RIPOR2: variants seen among roughly 807,000 people sequenced by gnomAD.
RIPOR2 encodes the protein RHO family interacting cell polarization regulator 2.
In RIPOR2, 39 loss-of-function variants were observed where a neutral mutation model predicts 114.5. The ratio of observed to expected loss-of-function variants is 0.34; its 90% CI spans 0.26 to 0.44. The LOEUF (loss-of-function observed/expected upper bound fraction) is 0.44. RIPOR2 is among the 20% of genes least tolerant of loss of function. RIPOR2 has a pLI of 1.00. For missense variants in RIPOR2, 1,007 were observed against 1,255.1 expected, an observed-to-expected ratio of 0.80 and a Z score of 2.99; for synonymous variants, 445 against 484.4, an observed-to-expected ratio of 0.92 and a Z score of 1.07.
At chr6:24,991,913 T>C (rs1025459830) in intron 1 of RIPOR2, among the ~76,000 whole-genome samples, 3 of 152,186 alleles carry the variant, frequency 2.0e-5, no homozygotes, top group African/African-American at 4.8e-5. Flanking sequence ...CCTCTTCTTG[T>C]ACCTGATTTC....
chr6:24,904,470 G>T (rs1768771261), intron 1 of RIPOR2, among the ~76,000 whole-genome samples: 1 of 152,170 alleles, frequency 6.6e-6, no homozygotes, highest in African/African-American at 2.4e-5. Context: ...AATAGAATTA[G>T]ATTGGGCCCA....
chr6:25,036,196 T>C (rs892682440), intron 1 of RIPOR2, among the ~76,000 whole-genome samples: 1 of 152,180 alleles, frequency 6.6e-6, no homozygotes, highest in African/African-American at 2.4e-5. Context: ...ACATTGACAC[T>C]GGGAGGAAGT....
chr6:25,014,373 C>T (rs775592490), intron 1 of RIPOR2, among the ~76,000 whole-genome samples: 2 of 152,168 alleles, frequency 1.3e-5, no homozygotes, highest in Admixed American at 6.5e-5. Flanking sequence ...CTCAATAGCT[C>T]TCACTTTTTG....
intron 1 of RIPOR2, among the ~76,000 whole-genome samples, chr6:25,018,513 G>C (rs1256247909): frequency 6.6e-6 from 1 of 151,890 alleles, no homozygotes; most frequent in Non-Finnish European, 1.5e-5. Context: ...TTAACCAATT[G>C]TTTGATTATA....
At chr6:24,895,259 CA>C (rs1461210540) in intron 1 of RIPOR2, among the ~76,000 whole-genome samples, 5 of 152,112 alleles carry the variant, frequency 3.3e-5, no homozygotes, top group African/African-American at 1.2e-4. Context: ...CTATGTTGGT[CA>C]GGCTGGTCTC....
chr6:24,843,095 T>C lies in RIPOR2; in HGVS notation c.1624A>G (p.Ile542Val). The change falls in exon 13 of 22, where the codon ATC becomes GTC. Residue 542 changes from isoleucine (I) to valine (V), a missense_variant. Ile to Val is a conservative substitution (Grantham distance 29). Coordinates refer to ENST00000643898, the MANE Select transcript of RIPOR2 (RefSeq NM_001286445.3). ...PVELDTSEGN[I>V]TKQLVKRLTS... Reference sequence around the variant, plus strand: ...AGCCTCTTGACCAGCTGCTTTGTGATGTTTCCTTCCGAAGTGTCCAGTTCC... The same window carrying C: ...AGCCTCTTGACCAGCTGCTTTGTGACGTTTCCTTCCGAAGTGTCCAGTTCC... 2 of 1,614,002 alleles carry C rather than the reference T, an allele frequency of 1.2e-6. No homozygotes were observed. The highest frequency in any genetic ancestry group is 1.7e-6 in the Non-Finnish European group (2 of 1,179,878).
At chr6:24,925,494 G>A (rs1770800182) in intron 1 of RIPOR2, among the ~76,000 whole-genome samples, 2 of 152,166 alleles carry the variant, frequency 1.3e-5, no homozygotes, top group South Asian at 2.1e-4. Flanking sequence ...AGGAGGTCAA[G>A]AGATCGAGAT....
intron 10 of RIPOR2, 79 bp from the exon 11 acceptor site, chr6:24,850,029 T>C (rs1323506542): frequency 7.6e-6 from 9 of 1,192,038 alleles, no homozygotes; most frequent in Non-Finnish European, 1.1e-5. Flanking sequence ...TTTTTTTTAC[T>C]GAGCTAGGTT....
chr6:25,019,091 G>A (rs971259769), intron 1 of RIPOR2, among the ~76,000 whole-genome samples: 1 of 152,166 alleles, frequency 6.6e-6, no homozygotes, highest in Non-Finnish European at 1.5e-5. Context: ...ACAAAATAGT[G>A]TCCGGCAACC....
chr6:25,029,859 C>T (rs564719504), intron 1 of RIPOR2, among the ~76,000 whole-genome samples: 57 of 152,216 alleles, frequency 3.7e-4, no homozygotes, highest in Admixed American at 1.2e-3. Flanking sequence ...AAACTATATG[C>T]TTTTCTTAAG....
chr6:24,911,773 C>T (rs930374536), intron 1 of RIPOR2, among the ~76,000 whole-genome samples: 13 of 152,244 alleles, frequency 8.5e-5, no homozygotes, highest in Middle Eastern at 3.4e-3. Flanking sequence ...GGGAAAAGGT[C>T]CTGACTCAGT....
At chr6:24,891,837 G>A (rs1236589366) in intron 1 of RIPOR2, among the ~76,000 whole-genome samples, 1 of 152,086 alleles carries the variant, frequency 6.6e-6, no homozygotes, top group South Asian at 2.1e-4. Context: ...TACCTAGAGT[G>A]GAGTTACATC....
At chr6:24,931,907 G>A (rs942925426) in intron 1 of RIPOR2, 1 of 152,218 alleles carries the variant, frequency 6.6e-6, no homozygotes, top group African/African-American at 2.4e-5. Flanking sequence ...ACCACCTGGT[G>A]AGCCGTTTGC....
upstream of RIPOR2, among the ~76,000 whole-genome samples, chr6:24,937,319 G>A (rs928981426): frequency 2.0e-5 from 3 of 152,114 alleles, no homozygotes; most frequent in African/African-American, 7.2e-5. Context: ...TAGCACTCAG[G>A]GGCCCAGGGA....
chr6:24,881,273 C>T (rs1277477421), intron 1 of RIPOR2, among the ~76,000 whole-genome samples: 1 of 152,146 alleles, frequency 6.6e-6, no homozygotes, highest in Non-Finnish European at 1.5e-5. Flanking sequence ...GACGTCTCAC[C>T]TGGTCTTTTG....
intron 1 of RIPOR2, among the ~76,000 whole-genome samples, chr6:24,990,838 A>T (rs1774777176): frequency 6.6e-6 from 1 of 152,258 alleles, no homozygotes; most frequent in African/African-American, 2.4e-5. Context: ...ATTTTATGAG[A>T]TCATAAATAT....
At chr6:24,950,788 A>C (rs1223574013) in intron 1 of RIPOR2, among the ~76,000 whole-genome samples, 1 of 152,234 alleles carries the variant, frequency 6.6e-6, no homozygotes, top group Non-Finnish European at 1.5e-5. Context: ...GCAGCTATCT[A>C]ACAGGCGAGG....
chr6:24,931,400 G>C (rs977727652), intron 1 of RIPOR2, among the ~76,000 whole-genome samples: 1 of 152,202 alleles, frequency 6.6e-6, no homozygotes, highest in East Asian at 1.9e-4. Flanking sequence ...AGAAAGGAGA[G>C]AGGCTTGGTT....
At chr6:24,951,336 A>AG (rs930336763) in intron 1 of RIPOR2, among the ~76,000 whole-genome samples, 11 of 152,242 alleles carry the variant, frequency 7.2e-5, no homozygotes, top group South Asian at 2.1e-4. Flanking sequence ...TTTGTAAGAG[A>AG]GGGGCAAATA....
Sources: allele counts gnomAD v4.1 joint callset (sites outside exome capture counted in the v4.1 genomes callset), GRCh38; gene constraint gnomAD v4.1.1; transcripts MANE v1.5; gene names NCBI Gene and HGNC (gene_info 2026-07-23, HGNC 2026-07-21).